MYO16: variants seen among roughly 807,000 people sequenced by gnomAD.
The protein encoded by MYO16 is unconventional myosin-XVI.
A neutral mutation model predicts 205.3 loss-of-function variants in MYO16; 94 were observed. The ratio of observed to expected loss-of-function variants is 0.46; its 90% confidence interval spans 0.39 to 0.54. MYO16 has a LOEUF of 0.54. Ranked by LOEUF, MYO16 falls within the 20% of genes least tolerant of loss-of-function variation. The pLI is 0.00. For synonymous variants in MYO16, 988 were observed against 954.0 expected, an observed-to-expected ratio of 1.04 and a Z score of -0.66; for missense variants, 2,315 against 2,387.5, an observed-to-expected ratio of 0.97 and a Z score of 0.63.
intron 12 of MYO16, among the ~76,000 whole-genome samples, chr13:108,868,216 A>G (rs571919077): frequency 2.4e-4 from 37 of 152,278 alleles, no homozygotes; most frequent in African/African-American, 8.2e-4. Context: ...TTTGATAAAT[A>G]TCGACAATTT....
intron 22 of MYO16, among the ~76,000 whole-genome samples, chr13:109,018,029 T>G (rs1885887810): frequency 6.6e-6 from 1 of 152,178 alleles, no homozygotes; most frequent in African/African-American, 2.4e-5. Context: ...CTGTGATCCT[T>G]TGGAGAAGAA....
At chr13:108,972,158 C>CACTGCAATCTGACT (rs1250574761) in intron 20 of MYO16, among the ~76,000 whole-genome samples, 1 of 134,438 alleles carries the variant, frequency 7.4e-6, no homozygotes, top group African/African-American at 2.8e-5. Context: ...TGCAGTGAGT[C>CACTGCAATCTGACT]ATGATTGCAC....
intron 12 of MYO16, 77 bp downstream of exon 12, chr13:108,866,319 T>TA (rs56326713): frequency 1.9e-4 from 168 of 886,916 alleles, no homozygotes; most frequent in Non-Finnish European, 2.1e-4. Context: ...ATCAAATGAC[T>TA]AAAAAAAACA....
intron 16 of MYO16, among the ~76,000 whole-genome samples, chr13:108,939,054 G>A (rs1882612012): frequency 6.6e-6 from 1 of 152,202 alleles, no homozygotes; most frequent in Non-Finnish European, 1.5e-5. Flanking sequence ...TCTGGCTGTG[G>A]AGGCCTTTAC....
chr13:109,099,696 C>T (rs1344273880), intron 27 of MYO16, among the ~76,000 whole-genome samples: 1 of 152,148 alleles, frequency 6.6e-6, no homozygotes, highest in Non-Finnish European at 1.5e-5. Flanking sequence ...CCTCGTTTAC[C>T]CACAGTACCT....
intron 1 of MYO16, among the ~76,000 whole-genome samples, chr13:108,608,436 G>A (rs897036944): frequency 2.6e-5 from 4 of 152,014 alleles, no homozygotes; most frequent in African/African-American, 7.2e-5. Context: ...CTTTCTCATC[G>A]GACCTAGCCA....
rs1432381809 is a variant in MYO16, at chr13:109,055,174, A to G, written c.3129+48A>G. The G allele has an allele frequency of 6.9e-7, 1 of 1,439,718 alleles. No individual in the cohort carries two copies. Among genetic ancestry groups the G allele is most frequent in the Non-Finnish European group, 9.5e-7 (1 of 1,051,778 alleles). The allele number at this position is 1,439,718 out of a possible 1,614,324, so 89.2% of individuals were successfully genotyped here. A position where few individuals can be genotyped will look rare whatever the true frequency, so the allele number is the denominator to read the frequency against. On this transcript the variant is annotated intron_variant, in intron 26 of 34. Transcript: ENST00000457511. This position sits in a 1 kb window ranked among gnomAD's most constrained non-coding sequence, Gnocchi z 5.0. The stretch of plus-strand genomic sequence containing the variant: ...AAAAACTTAATGTATGTTTATAGCA[A>G]CTAAAGAGGGTTTATGTAGACTTTT...
At chr13:108,629,558 G>A (rs1879878994), upstream of MYO16, 2 of 352,860 alleles carry the variant, frequency 5.7e-6, no homozygotes, top group African/African-American at 2.0e-5. Context: ...GACTATTCCC[G>A]GGATTGTGGT....
intron 14 of MYO16, among the ~76,000 whole-genome samples, chr13:108,895,805 G>A (rs150565552): frequency 1.1e-4 from 17 of 152,248 alleles, no homozygotes; most frequent in African/African-American, 3.4e-4. Flanking sequence ...AACACTGCCT[G>A]GTACATAGTG....
chr13:108,767,317 C>T (rs9587679), intron 4 of MYO16, among the ~76,000 whole-genome samples: 10,414 of 152,108 alleles, frequency 0.068, 622 homozygotes, highest in East Asian at 0.24. Context: ...TTAGCCAGGA[C>T]GGTCTCGATC....
At chr13:108,620,438 A>G (rs556198971) in intron 1 of MYO16, among the ~76,000 whole-genome samples, 2 of 152,270 alleles carry the variant, frequency 1.3e-5, no homozygotes, top group African/African-American at 4.8e-5. Flanking sequence ...GAACCGTACT[A>G]AGAGCATGCA....
chr13:108,519,649 C>CACACACACACA, the MYO16 span, among the ~76,000 whole-genome samples: 1,244 of 118,540 alleles, frequency 0.01, 21 homozygotes, highest in Middle Eastern at 0.026. Flanking sequence ...ACACACACAC[C>CACACACACACA]CACACACACA....
chr13:108,931,099 T>C (rs191761922), intron 16 of MYO16, among the ~76,000 whole-genome samples: 15 of 152,304 alleles, frequency 9.8e-5, no homozygotes, highest in Admixed American at 9.1e-4. Context: ...TTGTGTACAC[T>C]CACACACCTG....
intron 3 of MYO16, among the ~76,000 whole-genome samples, chr13:108,721,261 G>A (rs1884151757): frequency 3.9e-5 from 6 of 152,194 alleles, no homozygotes; most frequent in Admixed American, 3.9e-4. Context: ...GGAAGGCCTT[G>A]CTCTCTCGTC....
At chr13:109,110,075 A>G (rs912565457) in intron 28 of MYO16, among the ~76,000 whole-genome samples, 2 of 152,246 alleles carry the variant, frequency 1.3e-5, no homozygotes, top group African/African-American at 2.4e-5. Flanking sequence ...TGTTTGTGTT[A>G]CTGTTTGGCC....
intron 6 of MYO16, among the ~76,000 whole-genome samples, chr13:108,801,182 A>T (rs762380228): frequency 2.6e-5 from 4 of 152,230 alleles, no homozygotes; most frequent in Non-Finnish European, 5.9e-5. Context: ...ATAAACAATA[A>T]CAAGAGTCAA....
chr13:108,631,742 G>GA (rs912732077), intron 1 of MYO16, among the ~76,000 whole-genome samples: 2 of 151,952 alleles, frequency 1.3e-5, no homozygotes, highest in Admixed American at 1.3e-4. Flanking sequence ...GGTGTTTTAT[G>GA]AAAAAAATGC....
chr13:108,528,129 G>A, the MYO16 span, among the ~76,000 whole-genome samples: 2 of 152,172 alleles, frequency 1.3e-5, no homozygotes, highest in African/African-American at 2.4e-5. Flanking sequence ...ATAGTGACAG[G>A]CATCTACAGA....
chr13:108,812,650 G>A (rs533664343), intron 7 of MYO16, among the ~76,000 whole-genome samples: 8 of 152,262 alleles, frequency 5.3e-5, no homozygotes, highest in East Asian at 1.9e-4. Context: ...GAGCAACACC[G>A]TATTTAATGG....
Sources: allele counts gnomAD v4.1 joint callset (sites outside exome capture counted in the v4.1 genomes callset), GRCh38; gene constraint gnomAD v4.1.1; non-coding constraint Gnocchi (gnomAD v3.1); transcripts MANE v1.5; gene names NCBI Gene and HGNC (gene_info 2026-07-23, HGNC 2026-07-21).